Variants in HUWE1 observed in about 807,000 individuals in gnomAD.
HUWE1 encodes E3 ubiquitin-protein ligase HUWE1.
In HUWE1, 18 loss-of-function variants were observed where a neutral mutation model predicts 299.4. The ratio of observed to expected loss-of-function variants is 0.06; its 90% CI spans 0.04 to 0.09. HUWE1 has a LOEUF of 0.09. Among genes scored for constraint, HUWE1 ranks in the 10% least tolerant of loss-of-function variants. The pLI, the probability that HUWE1 is intolerant of heterozygous loss-of-function variation, is 1.00. For synonymous variants in HUWE1, 1,317 were observed against 1,286.1 expected (o/e 1.02, Z -0.51); for missense variants, 1,832 against 3,462.3 (o/e 0.53, Z 11.82).
intron 19 of HUWE1, among the ~76,000 whole-genome samples, chrX:53,618,335 GA>G (rs1315188774): frequency 7.0e-4 from 73 of 104,352 alleles, no homozygotes; most frequent in South Asian, 4.1e-3. Flanking sequence ...ACTAGATACA[GA>G]AAAAAAAAAT....
At chrX:53,549,613 G>A in intron 66 of HUWE1, 108 bp from the exon 67 acceptor site, 4 of 669,844 alleles carry the variant, frequency 6.0e-6, no homozygotes, top group Non-Finnish European at 9.3e-6. Flanking sequence ...GGAGGCTTGA[G>A]AAAGGTGGGT....
intron 19 of HUWE1, among the ~76,000 whole-genome samples, chrX:53,619,467 T>C (rs1264985379): frequency 2.8e-5 from 3 of 108,115 alleles, no homozygotes; most frequent in Non-Finnish European, 1.9e-5. Flanking sequence ...AACCAAGAAT[T>C]AGAATTAAAG....
intron 47 of HUWE1, 143 bp from the exon 48 acceptor site, chrX:53,569,970 C>T: frequency 1.7e-6 from 1 of 572,232 alleles, no homozygotes; most frequent in Non-Finnish European, 2.9e-6. Flanking sequence ...GATGAAGAAG[C>T]CAAGGCTCAA....
chrX:53,583,363 C>A (rs2063717583), intron 42 of HUWE1, among the ~76,000 whole-genome samples, 195 bp downstream of exon 42: 2 of 109,723 alleles, frequency 1.8e-5, no homozygotes, highest in Non-Finnish European at 3.8e-5. Flanking sequence ...AGAGGACTTT[C>A]TAGCAATAGG....
intron 67 of HUWE1, 142 bp from the exon 68 acceptor site, chrX:53,548,415 A>G (rs1313278037): frequency 2.8e-6 from 2 of 711,791 alleles, no homozygotes; most frequent in Non-Finnish European, 4.2e-6. Flanking sequence ...TAAGAGTTTT[A>G]TCCAACAGAC....
chrX:53,548,902 C>T, intron 67 of HUWE1, 57 bp downstream of exon 67: 1 of 1,043,442 alleles, frequency 9.6e-7, no homozygotes, highest in East Asian at 3.3e-5. Flanking sequence ...CAACTTTCAC[C>T]CAGGCTCTTG....
intron 32 of HUWE1, among the ~76,000 whole-genome samples, chrX:53,593,019 T>C (rs782638976): frequency 5.6e-4 from 63 of 112,372 alleles, no homozygotes; most frequent in Non-Finnish European, 1.0e-3. Flanking sequence ...GTGAACTTCC[T>C]GAGGCCTCCC....
chrX:53,554,026 G>A (rs2061886569), intron 61 of HUWE1, among the ~76,000 whole-genome samples: 1 of 110,429 alleles, frequency 9.1e-6, no homozygotes, highest in South Asian at 3.9e-4. Flanking sequence ...GATAAACAGT[G>A]TCTGCCAGGA....
intron 74 of HUWE1, among the ~76,000 whole-genome samples, chrX:53,540,568 C>A (rs1357666637): frequency 8.9e-6 from 1 of 112,215 alleles, no homozygotes; most frequent in African/African-American, 3.2e-5. Flanking sequence ...ACCTCGTGAT[C>A]CACCTGCCTT....
intron 62 of HUWE1, 24 bp from the exon 63 acceptor site, chrX:53,552,465 G>A: frequency 8.3e-7 from 1 of 1,209,378 alleles, no homozygotes; most frequent in Non-Finnish European, 1.1e-6. Flanking sequence ...TGCTCAGGTT[G>A]CTGTCTGTAT....
At chrX:53,562,003 T>C (rs2062316538) in intron 54 of HUWE1, 79 bp from the exon 55 acceptor site, 5 of 1,211,294 alleles carry the variant, frequency 4.1e-6, no homozygotes, top group Non-Finnish European at 5.6e-6. Flanking sequence ...CATGTGCACA[T>C]GAGGGAGGGA....
chrX:53,585,772 T>C (rs781838980), intron 39 of HUWE1, among the ~76,000 whole-genome samples: 1 of 111,985 alleles, frequency 8.9e-6, no homozygotes, highest in Non-Finnish European at 1.9e-5. Context: ...CTGCAACCTC[T>C]GCCTCCCAGG....
chrX:53,605,509 G>A (rs1295113603), intron 25 of HUWE1, among the ~76,000 whole-genome samples: 3 of 112,162 alleles, frequency 2.7e-5, no homozygotes, highest in African/African-American at 9.7e-5. Flanking sequence ...ATGAAGTCAC[G>A]TCACAATTAT....
chrX:53,635,209 TATAA>T, intron 7 of HUWE1, among the ~76,000 whole-genome samples: 1 of 109,796 alleles, frequency 9.1e-6, no homozygotes, highest in East Asian at 2.8e-4. Context: ...AAACATTTCA[TATAA>T]AAAGATATTT....
At chrX:53,563,669 C>T in intron 52 of HUWE1, 77 bp downstream of exon 52, 1 of 1,085,806 alleles carries the variant, frequency 9.2e-7, no homozygotes, top group Non-Finnish European at 1.3e-6. Flanking sequence ...GCTGAGCAAG[C>T]AGATGATGAG....
At chrX:53,615,084 G>A (rs1388425975) in intron 22 of HUWE1, among the ~76,000 whole-genome samples, 1 of 107,892 alleles carries the variant, frequency 9.3e-6, no homozygotes, top group Non-Finnish European at 1.9e-5. Flanking sequence ...GGCGGGGGTG[G>A]GGGGCAGCCA....
In HUWE1 at chrX:53,645,478, A is replaced by T. The variant is rs1557034914; in HGVS notation, c.352-15T>A. 8.3e-7 allele frequency: 1 copy of T among 1,205,739 alleles called. No individual in the cohort carries two copies. Among genetic ancestry groups the T allele is most frequent in the East Asian group, 3.0e-5 (1 of 33,661 alleles). On this transcript the variant is annotated splice_polypyrimidine_tract_variant and intron_variant, in intron 6 of 83. Coordinates refer to ENST00000262854, the MANE Select transcript of HUWE1 (RefSeq NM_031407.7). ...GTTGTCAAATGCTAAAGGGACAAAA[A>T]AGGGCAAAGCTCAAGGTATCAGGCA...
chrX:53,669,202 AG>A (rs782181343), intron 3 of HUWE1, among the ~76,000 whole-genome samples: 2 of 112,380 alleles, frequency 1.8e-5, no homozygotes, highest in Non-Finnish European at 3.8e-5. Context: ...GGCTCAAATT[AG>A]TTCACTGATA....
chrX:53,538,438 C>T lies in HUWE1; in HGVS notation c.11895G>A (p.Val3965=). 8.3e-7 allele frequency: 1 copy of T among 1,199,566 alleles called. No homozygotes were observed. Among genetic ancestry groups the T allele is most frequent in the Non-Finnish European group, 1.1e-6 (1 of 884,715 alleles). ...FLRFAETHRT[V]LNQILRQSTT... is the part of the protein sequence containing the mutation. The stretch of plus-strand genomic sequence containing the variant: ...TGGACTGCCGTAGGATCTGGTTTAA[C>T]ACAGTGCGGTGAGTCTCTGAGGGGA... The change falls in exon 77 of 84, where the codon GTG becomes GTA. Residue 3965 remains valine, a synonymous_variant. Transcript: ENST00000262854.
Sources: gnomAD v4.1 joint callset for allele counts (sites outside exome capture counted in the v4.1 genomes callset) on GRCh38, gnomAD v4.1.1 for gene constraint, MANE v1.5 for transcripts, NCBI Gene and HGNC (gene_info 2026-07-23, HGNC 2026-07-21) for gene names.